The following DNAH5 variants were observed in gnomAD, a reference collection of about 807,000 sequenced individuals.
DNAH5 encodes dynein axonemal heavy chain 5.
DNAH5 carries 372 observed loss-of-function variants against 518.2 expected under a neutral mutation model. That is an observed-to-expected ratio of 0.72 (90% confidence interval 0.66 to 0.78). The LOEUF (loss-of-function observed/expected upper bound fraction) is 0.78, where lower values mean the gene tolerates loss of function less well. Ranked by LOEUF, DNAH5 falls within the 30% of genes least tolerant of loss-of-function variation. The pLI is 0.00. For missense variants in DNAH5, 5,523 were observed against 5,687.0 expected (o/e 0.97, Z 0.93); for synonymous variants, 2,039 against 2,025.9 (o/e 1.01, Z -0.17).
At chr5:13,866,838 T>C (rs1275595229) in intron 25 of DNAH5, among the ~76,000 whole-genome samples, 1 of 152,218 alleles carries the variant, frequency 6.6e-6, no homozygotes, top group African/African-American at 2.4e-5. Flanking sequence ...CTAAACTCTA[T>C]ATATTTCCCT....
chr5:13,928,325 G>C, intron 2 of DNAH5, 147 bp from the exon 3 acceptor site: 1 of 630,204 alleles, frequency 1.6e-6, no homozygotes, highest in South Asian at 1.9e-5. Context: ...ATAAAAAAGG[G>C]AGCATTTACA....
At chr5:13,748,801 G>A (rs4314396) in intron 65 of DNAH5, among the ~76,000 whole-genome samples, 33,309 of 152,052 alleles carry the variant, frequency 0.22, 4,484 homozygotes, top group South Asian at 0.3. Flanking sequence ...GGGTTTTCTA[G>A]ATATACAATC....
At chr5:13,988,604 G>A (rs970598305) in intron 1 of DNAH5, among the ~76,000 whole-genome samples, 3 of 151,552 alleles carry the variant, frequency 2.0e-5, no homozygotes, top group Non-Finnish European at 4.4e-5. Context: ...TTTTAGTACA[G>A]ATGGGGTTTC....
At chr5:13,780,479 T>C (rs984024025) in intron 53 of DNAH5, among the ~76,000 whole-genome samples, 1 of 152,216 alleles carries the variant, frequency 6.6e-6, no homozygotes, top group African/African-American at 2.4e-5. Context: ...AAAATCTTCA[T>C]CTATTTTTCC....
intron 11 of DNAH5, among the ~76,000 whole-genome samples, chr5:13,912,764 C>A (rs1467824080): frequency 1.3e-5 from 2 of 151,532 alleles, no homozygotes; most frequent in Non-Finnish European, 3.0e-5. Flanking sequence ...TGAGAAAATC[C>A]TGCTCTATGA....
At chr5:13,777,809 T>C (rs913732043) in intron 53 of DNAH5, among the ~76,000 whole-genome samples, 4 of 152,112 alleles carry the variant, frequency 2.6e-5, no homozygotes, top group Admixed American at 1.3e-4. Flanking sequence ...GCCTGCCTCA[T>C]CCCCCAACAC....
chr5:13,939,942 A>G (rs1031783492), intron 1 of DNAH5, among the ~76,000 whole-genome samples: 1 of 152,168 alleles, frequency 6.6e-6, no homozygotes, highest in African/African-American at 2.4e-5. Flanking sequence ...TTGCAAAGAG[A>G]TAGCACTTAA....
chr5:13,739,331 A>G (rs1425995699), intron 65 of DNAH5, among the ~76,000 whole-genome samples: 1 of 152,104 alleles, frequency 6.6e-6, no homozygotes, highest in Admixed American at 6.5e-5. Flanking sequence ...GTGAATTCTC[A>G]CAAGATCTGA....
intron 78 of DNAH5, 85 bp downstream of exon 78, chr5:13,700,555 G>T: frequency 7.5e-7 from 1 of 1,330,826 alleles, no homozygotes; most frequent in Non-Finnish European, 1.1e-6. Flanking sequence ...TCTACTACAT[G>T]ATAACAAAAA....
At chr5:13,954,131 G>A (rs1780610404) in intron 1 of DNAH5, among the ~76,000 whole-genome samples, 2 of 152,138 alleles carry the variant, frequency 1.3e-5, no homozygotes, top group Non-Finnish European at 2.9e-5. Context: ...AAGAGGAAAT[G>A]TTACATATTT....
intron 29 of DNAH5, among the ~76,000 whole-genome samples, chr5:13,862,009 A>G (rs1233736651): frequency 1.3e-5 from 2 of 151,602 alleles, no homozygotes; most frequent in Non-Finnish European, 2.9e-5. Flanking sequence ...ATTTGTACAA[A>G]TATAAAAAAT....
chr5:13,881,990 T>C (rs532433528), intron 21 of DNAH5, among the ~76,000 whole-genome samples: 35 of 151,670 alleles, frequency 2.3e-4, no homozygotes, highest in Non-Finnish European at 1.8e-4. Context: ...AAAGGAGATA[T>C]TACTACTGAT....
chr5:13,927,281 C>T lies in DNAH5; in HGVS notation c.277+813G>A, dbSNP rs114093578. The stretch of plus-strand genomic sequence containing the variant: ...GGCCGAGGTGGGTGGATCACAAGGT[C>T]GAGAGATCGAGACCATCCTAGCCAA... On this transcript the variant is annotated intron_variant, in intron 3 of 78. Transcript: ENST00000265104. Among the ~76,000 whole-genome samples the T allele has an allele frequency of 3.0e-3, 456 of 152,144 alleles. 2 individuals are homozygous for T. The highest frequency in any genetic ancestry group is 5.1e-3 in the Non-Finnish European group (349 of 68,004).
In DNAH5 at chr5:13,708,307, G is replaced by T. The variant is rs1237820009; in HGVS notation, c.13154C>A (p.Pro4385Gln). The T allele has an allele frequency of 1.2e-6, 2 of 1,613,936 alleles. No individual in the cohort carries two copies. The highest frequency in any genetic ancestry group is 1.7e-6 in the Non-Finnish European group (2 of 1,180,004). ...EVKERLQKMG[P>Q]FQPMNIFLRQ... ...GAGGAAAATGTTCATAGGCTGGAAT[G>T]GCCCCATCTTCTGCAGCCTCTCTTT... is the stretch of plus-strand genomic sequence containing the variant. The change falls in exon 76 of 79, where the codon CCA becomes CAA. Residue 4385 changes from proline to glutamine, a missense_variant. This residue lies in a region of DNAH5 where 387 missense variants were observed against 430.0 expected (regional missense o/e 0.90). Transcript: ENST00000265104.
chr5:13,722,887 T>C (rs560293905), intron 70 of DNAH5, among the ~76,000 whole-genome samples: 1 of 152,308 alleles, frequency 6.6e-6, no homozygotes, highest in South Asian at 2.1e-4. Flanking sequence ...TATTTCTAGA[T>C]GGCTTTGGGG....
In DNAH5 at chr5:13,853,050, C is replaced by T. The variant is rs112538811; in HGVS notation, c.4951-2235G>A. Among the ~76,000 whole-genome samples the T allele has an allele frequency of 3.5e-3, 534 of 152,336 alleles. 4 individuals carry two copies. The highest frequency in any genetic ancestry group is 0.012 in the African/African-American group (512 of 41,572). Reference sequence around the variant, plus strand: ...GGACAGACTGCCTCCTCAAGTGGGTCCCTGACCCCGTGCTTCCTGACAGGG... The same window carrying T: ...GGACAGACTGCCTCCTCAAGTGGGTTCCTGACCCCGTGCTTCCTGACAGGG... On this transcript the variant is annotated intron_variant, in intron 30 of 78. Transcript: ENST00000265104.
intron 21 of DNAH5, among the ~76,000 whole-genome samples, chr5:13,881,648 T>C (rs993013251): frequency 2.0e-5 from 3 of 152,032 alleles, no homozygotes; most frequent in African/African-American, 4.8e-5. Context: ...AATGGAAACA[T>C]GACATATCAA....
At chr5:13,893,834 G>T (rs2151952353) in intron 16 of DNAH5, among the ~76,000 whole-genome samples, 1 of 151,812 alleles carries the variant, frequency 6.6e-6, no homozygotes, top group African/African-American at 2.4e-5. Context: ...GGCTATAAGA[G>T]TGGGGAGGAC....
At chr5:13,958,540 T>C (rs1780935062) in intron 1 of DNAH5, among the ~76,000 whole-genome samples, 1 of 152,170 alleles carries the variant, frequency 6.6e-6, no homozygotes, top group Non-Finnish European at 1.5e-5. Flanking sequence ...GAAAAAGGAA[T>C]AGGTGCCTCA....
Sources: gnomAD v4.1 joint callset for allele counts (sites outside exome capture counted in the v4.1 genomes callset) on GRCh38, gnomAD v4.1.1 for gene constraint, gnomAD v4.1.1 regional missense constraint, MANE v1.5 for transcripts, NCBI Gene and HGNC (gene_info 2026-07-23, HGNC 2026-07-21) for gene names.